Variants in INPP5A observed in about 807,000 individuals in gnomAD.
The protein encoded by INPP5A is inositol polyphosphate-5-phosphatase A.
In INPP5A, 14 loss-of-function variants were observed where a neutral mutation model predicts 65.2. That is an observed-to-expected ratio of 0.21 (90% confidence interval 0.14 to 0.34). The LOEUF (loss-of-function observed/expected upper bound fraction) is 0.34, where lower values mean the gene tolerates loss of function less well. INPP5A is among the 10% of genes least tolerant of loss of function. The pLI, the probability that INPP5A is intolerant of heterozygous loss-of-function variation, is 1.00. For synonymous variants in INPP5A, 207 were observed against 208.3 expected (o/e 0.99, Z 0.05); for missense variants, 431 against 545.6 (o/e 0.79, Z 2.09).
chr10:132,737,554 C>T (rs1218149751), intron 9 of INPP5A, among the ~76,000 whole-genome samples: 2 of 152,248 alleles, frequency 1.3e-5, no homozygotes, highest in South Asian at 2.1e-4. Flanking sequence ...GCCCTCGCCA[C>T]GTGCCCAGCG....
chr10:132,779,736 C>T (rs977818260), intron 13 of INPP5A, among the ~76,000 whole-genome samples: 6 of 152,220 alleles, frequency 3.9e-5, no homozygotes, highest in Admixed American at 2.6e-4. Flanking sequence ...AGCAGACGGG[C>T]GCCGGGCGCG....
intron 4 of INPP5A, among the ~76,000 whole-genome samples, chr10:132,654,102 C>T (rs2072618194): frequency 6.6e-6 from 1 of 152,238 alleles, no homozygotes; most frequent in Non-Finnish European, 1.5e-5. Flanking sequence ...TCCAGTCACC[C>T]TCACGATGAG....
At chr10:132,639,467 A>G (rs1417844442) in intron 2 of INPP5A, among the ~76,000 whole-genome samples, 1 of 152,134 alleles carries the variant, frequency 6.6e-6, no homozygotes, top group East Asian at 1.9e-4. Flanking sequence ...AGTTTTTTCT[A>G]TTAATACATC....
rs895042993 is a variant in INPP5A, at chr10:132,659,547, C to A, written c.306+9042C>A. Among the ~76,000 whole-genome samples, 1 of 152,196 alleles carries A rather than the reference C, an allele frequency of 6.6e-6. No homozygotes were observed. The highest frequency in any genetic ancestry group is 1.9e-4 in the East Asian group (1 of 5,200). On this transcript the variant is annotated intron_variant, in intron 4 of 15. Coordinates refer to ENST00000368594, the MANE Select transcript of INPP5A (RefSeq NM_005539.5). This position sits in a 1 kb window ranked among gnomAD's most constrained non-coding sequence, Gnocchi z 5.5. ...CAGTGTTCCTTCTCAGCGAGCAGCTCCCATGGCAGTCCATTCATTCAACAT... is the reference window on the plus strand; with the variant it reads ...CAGTGTTCCTTCTCAGCGAGCAGCTACCATGGCAGTCCATTCATTCAACAT...
At chr10:132,628,659 G>T (rs71481941) in intron 2 of INPP5A, among the ~76,000 whole-genome samples, 1 of 152,162 alleles carries the variant, frequency 6.6e-6, no homozygotes, top group African/African-American at 2.4e-5. Context: ...TTAAAAGGCA[G>T]ACTGGGAATA....
chr10:132,538,451 C>G lies in INPP5A; in HGVS notation c.75+280C>G, dbSNP rs1431908153. 1.3e-5 allele frequency among the ~76,000 whole-genome samples: 2 copies of G among 152,156 alleles called. No homozygotes were observed. Among genetic ancestry groups the G allele is most frequent in the Non-Finnish European group, 2.9e-5 (2 of 68,032 alleles). On this transcript the variant is annotated intron_variant, in intron 1 of 15. Coordinates refer to ENST00000368594, the MANE Select transcript of INPP5A (RefSeq NM_005539.5). This position sits in a 1 kb window ranked among gnomAD's most constrained non-coding sequence, Gnocchi z 4.1. The stretch of plus-strand genomic sequence containing the variant: ...AGCAGCTGACCGTTGACCCTGGGAC[C>G]CTGCCTCTGAACTCCTGTCTGCAAA...
intron 5 of INPP5A, among the ~76,000 whole-genome samples, chr10:132,691,391 TTTGGAGACACG>T (rs1403722737): frequency 6.6e-6 from 1 of 152,062 alleles, no homozygotes; most frequent in East Asian, 1.9e-4. Flanking sequence ...TCCGCTCCGT[TTTGGAGACACG>T]GCGTCTGCGT....
intron 2 of INPP5A, among the ~76,000 whole-genome samples, chr10:132,645,407 T>G (rs943913659): frequency 2.0e-5 from 3 of 152,188 alleles, no homozygotes; most frequent in African/African-American, 7.2e-5. Flanking sequence ...TACACACACA[T>G]GCTCCGGCAC....
At chr10:132,572,189 C>G (rs1391163636) in intron 1 of INPP5A, among the ~76,000 whole-genome samples, 1 of 152,254 alleles carries the variant, frequency 6.6e-6, no homozygotes, top group African/African-American at 2.4e-5. Flanking sequence ...TGCCGAGAGG[C>G]TGGCCGGAGG....
intron 8 of INPP5A, among the ~76,000 whole-genome samples, chr10:132,723,737 C>T (rs1047063621): frequency 6.6e-6 from 1 of 152,068 alleles, no homozygotes; most frequent in African/African-American, 2.4e-5. Flanking sequence ...TACACCTGGG[C>T]TTGGCTGGCT....
Position 132,549,574 on chromosome 10 carries a change from G to A in INPP5A, c.75+11403G>A, listed in dbSNP as rs1015908752. On this transcript the variant is annotated intron_variant, in intron 1 of 15. Transcript: ENST00000368594. The surrounding 1 kb of genome is among the most constrained non-coding windows in gnomAD (Gnocchi z 4.9). ...CCCTCCAGGAGGGCCTGTGGGATGC[G>A]AGGCCTCTGCTACGAGGCTCCCGCT... 1.3e-5 allele frequency among the ~76,000 whole-genome samples: 2 copies of A among 152,226 alleles called. No homozygotes were observed. The highest frequency in any genetic ancestry group is 2.4e-5 in the African/African-American group (1 of 41,456).
intron 11 of INPP5A, among the ~76,000 whole-genome samples, chr10:132,761,306 C>T (rs529853744): frequency 2.0e-5 from 3 of 152,318 alleles, no homozygotes; most frequent in Non-Finnish European, 2.9e-5. Context: ...GGAGACCACA[C>T]GCTGGGAACA....
intron 1 of INPP5A, among the ~76,000 whole-genome samples, chr10:132,601,623 A>G (rs964274768): frequency 1.3e-5 from 2 of 152,196 alleles, no homozygotes; most frequent in Non-Finnish European, 2.9e-5. Context: ...GAATTTTTAT[A>G]GTTTTAGATT....
chr10:132,547,943 A>G lies in INPP5A; in HGVS notation c.75+9772A>G, dbSNP rs1241595550. Among the ~76,000 whole-genome samples, 1 of 151,216 alleles carries G rather than the reference A, an allele frequency of 6.6e-6. No individual in the cohort carries two copies. Among genetic ancestry groups the G allele is most frequent in the Non-Finnish European group, 1.5e-5 (1 of 67,822 alleles). On this transcript the variant is annotated intron_variant, in intron 1 of 15. Coordinates refer to ENST00000368594, the MANE Select transcript of INPP5A (RefSeq NM_005539.5). This position sits in a 1 kb window ranked among gnomAD's most constrained non-coding sequence, Gnocchi z 5.5. The stretch of plus-strand genomic sequence containing the variant: ...TTTTAAGATGGACACTCCATCACCC[A>G]GGCTGGAGTACAATGGCGTGATCTC...
At chr10:132,666,044 G>T (rs1422577058) in intron 4 of INPP5A, among the ~76,000 whole-genome samples, 1 of 114,344 alleles carries the variant, frequency 8.7e-6, no homozygotes, top group Non-Finnish European at 1.7e-5. Context: ...AACAGAGCAA[G>T]ATCCTGTCTC....
intron 14 of INPP5A, 137 bp from the exon 15 acceptor site, chr10:132,781,724 T>C: frequency 1.4e-6 from 1 of 732,696 alleles, no homozygotes; most frequent in Non-Finnish European, 2.4e-6. Flanking sequence ...CTGCCTCTGC[T>C]GGCCATCAGC....
intron 8 of INPP5A, among the ~76,000 whole-genome samples, chr10:132,722,081 G>A (rs776054012): frequency 2.0e-5 from 3 of 152,180 alleles, no homozygotes; most frequent in Admixed American, 6.5e-5. Context: ...AAACTTTTAA[G>A]CGATTAACTA....
At chr10:132,556,044 C>A (rs1349027367) in intron 1 of INPP5A, among the ~76,000 whole-genome samples, 1 of 151,066 alleles carries the variant, frequency 6.6e-6, no homozygotes, top group Non-Finnish European at 1.5e-5. Flanking sequence ...CTGCCCGGCC[C>A]CTGAAGTGGA....
At chr10:132,723,602 TTGTGGGGATTGGCCG>T (rs1229456185) in intron 8 of INPP5A, among the ~76,000 whole-genome samples, 49 of 58,152 alleles carry the variant, frequency 8.4e-4, no homozygotes, top group Non-Finnish European at 1.5e-3. Context: ...GGGATTGGTT[TTGTGGGGATTGGCCG>T]TGTGGGGATT....
Sources: gnomAD v4.1 joint callset for allele counts (sites outside exome capture counted in the v4.1 genomes callset) on GRCh38, gnomAD v4.1.1 for gene constraint, Gnocchi (gnomAD v3.1) non-coding constraint, MANE v1.5 for transcripts, NCBI Gene and HGNC (gene_info 2026-07-23, HGNC 2026-07-21) for gene names.